HLCS: variants seen among roughly 807,000 people sequenced by gnomAD.
HLCS encodes the protein biotin--protein ligase.
In HLCS, 53 loss-of-function variants were observed where a neutral mutation model predicts 75.0. The observed-to-expected ratio is 0.71, with a 90% CI of 0.57 to 0.89. The LOEUF (loss-of-function observed/expected upper bound fraction) is 0.89. Ranked by LOEUF, HLCS falls within the 40% of genes least tolerant of loss-of-function variation. HLCS has a pLI of 0.00. For synonymous variants in HLCS, 431 were observed against 428.6 expected (o/e 1.01, Z -0.07); for missense variants, 966 against 1,074.0 (o/e 0.90, Z 1.41).
intron 7 of HLCS, 85 bp downstream of exon 7, chr21:36,767,133 C>G (rs1047454628): frequency 2.3e-6 from 3 of 1,305,916 alleles, no homozygotes; most frequent in African/African-American, 2.9e-5. Flanking sequence ...ATGATCAGCA[C>G]ACACATTCAA....
intron 10 of HLCS, among the ~76,000 whole-genome samples, chr21:36,756,286 A>T (rs140925558): frequency 2.6e-5 from 4 of 151,780 alleles, no homozygotes; most frequent in Non-Finnish European, 4.4e-5. Flanking sequence ...AAAATACAAA[A>T]AATTAGCCGG....
intron 5 of HLCS, among the ~76,000 whole-genome samples, chr21:36,915,344 T>G (rs2065887295): frequency 6.6e-6 from 1 of 152,252 alleles, no homozygotes; most frequent in South Asian, 2.1e-4. Flanking sequence ...TCATGTTATG[T>G]TAAAATATAT....
chr21:36,830,795 C>T (rs1372876445), intron 6 of HLCS, among the ~76,000 whole-genome samples: 2 of 146,660 alleles, frequency 1.4e-5, no homozygotes, highest in East Asian at 4.0e-4. Flanking sequence ...GTACTCCAGC[C>T]TGGGCAACAG....
rs1036540872 is a variant in HLCS at position 36,749,334 on chromosome 21, T to C, written c.*4912A>G. The stretch of plus-strand genomic sequence containing the variant: ...TTTGCTGCTTTATCAAAATGGTTTA[T>C]TTTAGGAAACTTTTTCCACCTTTCT... On this transcript the variant is annotated 3_prime_UTR_variant, in exon 11 of 11. Transcript: ENST00000674895. The C allele has an allele frequency of 6.6e-6, 1 of 152,536 alleles. No homozygotes were observed. The highest frequency in any genetic ancestry group is 2.4e-5 in the African/African-American group (1 of 41,474). The allele number at this position is 152,536 out of a possible 1,614,324, so 9.4% of individuals were successfully genotyped here. A position where few individuals can be genotyped will look rare whatever the true frequency, so the allele number is the denominator to read the frequency against.
At chr21:36,816,554 G>T (rs1425042447) in intron 6 of HLCS, among the ~76,000 whole-genome samples, 1 of 152,138 alleles carries the variant, frequency 6.6e-6, no homozygotes, top group Non-Finnish European at 1.5e-5. Flanking sequence ...GCTCTGAATT[G>T]CTCAGTGTTA....
intron 6 of HLCS, among the ~76,000 whole-genome samples, chr21:36,837,228 C>G (rs949157206): frequency 6.6e-6 from 1 of 152,272 alleles, no homozygotes; most frequent in Non-Finnish European, 1.5e-5. Context: ...ATTTGACATT[C>G]TTGGTATTGG....
At chr21:36,976,426 A>G (rs1304398728) in intron 1 of HLCS, among the ~76,000 whole-genome samples, 2 of 90,234 alleles carry the variant, frequency 2.2e-5, no homozygotes, top group Non-Finnish European at 2.4e-5. Context: ...ACACACAGAA[A>G]AATACAAGTT....
intron 8 of HLCS, among the ~76,000 whole-genome samples, chr21:36,762,392 G>A (rs1039655097): frequency 1.2e-4 from 18 of 152,094 alleles, no homozygotes; most frequent in Admixed American, 1.0e-3. Flanking sequence ...GCGGGGCCCG[G>A]GGGGACTTCA....
intron 1 of HLCS, among the ~76,000 whole-genome samples, chr21:36,983,210 G>GTTTA (rs200585939): frequency 0.017 from 2,541 of 151,538 alleles, 68 homozygotes; most frequent in African/African-American, 0.057. Context: ...TTTAATGTTT[G>GTTTA]TTTATTTATT....
At position 36,784,311 on chromosome 21, in the gene HLCS, CTTT is replaced by C. The variant is rs34045793; in HGVS notation, c.1893-17029_1893-17027del. On this transcript the variant is annotated intron_variant, in intron 6 of 10. Transcript: ENST00000674895. ...GAATTTCAAGGTAGAAATACCACCT[CTTT>C]TTTTTTTTTTTTTTTTTAATGAGAC... Among the ~76,000 whole-genome samples the C allele has an allele frequency of 2.3e-3, 298 of 130,614 alleles. 1 individual carries two copies. Among genetic ancestry groups the C allele is most frequent in the African/African-American group, 5.6e-3 (191 of 34,280 alleles). The allele number at this position is 130,614 out of a possible 152,430, so 85.7% of individuals were successfully genotyped here.
intron 2 of HLCS, among the ~76,000 whole-genome samples, chr21:36,957,374 C>T (rs1487203803): frequency 1.3e-5 from 2 of 152,216 alleles, no homozygotes; most frequent in African/African-American, 4.8e-5. Flanking sequence ...ACCAGAAGCA[C>T]ATGCTGGCAC....
chr21:36,946,479 C>T (rs1038845035), intron 2 of HLCS, among the ~76,000 whole-genome samples: 1 of 151,956 alleles, frequency 6.6e-6, no homozygotes, highest in Non-Finnish European at 1.5e-5. Context: ...TGAGCTCAAG[C>T]GACCCTCCTG....
At chr21:36,982,327 G>A (rs954622657) in intron 1 of HLCS, among the ~76,000 whole-genome samples, 2 of 151,994 alleles carry the variant, frequency 1.3e-5, no homozygotes, top group Non-Finnish European at 2.9e-5. Flanking sequence ...TCGTCTCCTG[G>A]AGCCCCTGGG....
intron 6 of HLCS, among the ~76,000 whole-genome samples, chr21:36,827,429 C>A (rs1196373118): frequency 2.0e-5 from 3 of 151,692 alleles, no homozygotes; most frequent in Non-Finnish European, 4.4e-5. Flanking sequence ...AAAAAATTAG[C>A]CAGGCATGGT....
chr21:36,820,864 CA>C (rs2061818053), intron 6 of HLCS, among the ~76,000 whole-genome samples: 2 of 152,198 alleles, frequency 1.3e-5, no homozygotes, highest in African/African-American at 4.8e-5. Flanking sequence ...ACCCCAAAAG[CA>C]CGGAAAAACC....
chr21:36,886,892 C>CGAGGCA (rs1027245827), intron 6 of HLCS, among the ~76,000 whole-genome samples: 43 of 152,082 alleles, frequency 2.8e-4, no homozygotes, highest in African/African-American at 1.0e-3. Flanking sequence ...TTTGAAAGGC[C>CGAGGCA]GAGGCAGGAG....
At chr21:36,817,502 A>G (rs1312604559) in intron 6 of HLCS, among the ~76,000 whole-genome samples, 1 of 152,116 alleles carries the variant, frequency 6.6e-6, no homozygotes, top group Non-Finnish European at 1.5e-5. Context: ...TAATTCTCCA[A>G]CACTCACCTA....
intron 6 of HLCS, among the ~76,000 whole-genome samples, chr21:36,895,828 T>C (rs1419050001): frequency 6.6e-6 from 1 of 152,198 alleles, no homozygotes; most frequent in Admixed American, 6.5e-5. Context: ...ACGCCTTAAA[T>C]TTTAACACCG....
intron 2 of HLCS, among the ~76,000 whole-genome samples, chr21:36,956,285 G>T (rs538742407): frequency 6.6e-6 from 1 of 152,138 alleles, no homozygotes; most frequent in Non-Finnish European, 1.5e-5. Flanking sequence ...CTAGCGGTGA[G>T]TTCATGGGTA....
Sources: gnomAD v4.1 joint callset for allele counts (sites outside exome capture counted in the v4.1 genomes callset) on GRCh38, gnomAD v4.1.1 for gene constraint, MANE v1.5 for transcripts, NCBI Gene and HGNC (gene_info 2026-07-23, HGNC 2026-07-21) for gene names.